The following ARHGAP10 variants were observed in gnomAD, a reference collection of about 807,000 sequenced individuals.
ARHGAP10 encodes rho GTPase-activating protein 10.
A neutral mutation model predicts 108.6 loss-of-function variants in ARHGAP10; 87 were observed. That is an observed-to-expected ratio of 0.80 (90% CI 0.67 to 0.96). ARHGAP10 has a LOEUF of 0.96. Among genes scored for constraint, ARHGAP10 ranks in the 40% least tolerant of loss-of-function variants. The pLI is 0.00. For synonymous variants in ARHGAP10, 347 were observed against 341.1 expected, an observed-to-expected ratio of 1.02 and a Z score of -0.19; for missense variants, 939 against 954.5, an observed-to-expected ratio of 0.98 and a Z score of 0.21.
At chr4:147,978,287 C>T (rs1017940812) in intron 18 of ARHGAP10, among the ~76,000 whole-genome samples, 5 of 152,100 alleles carry the variant, frequency 3.3e-5, no homozygotes, top group East Asian at 1.9e-4. Context: ...GCATTCCCAC[C>T]AACAGTGTAT....
rs1303353803 is a variant in ARHGAP10, at chr4:148,063,214, C to A, written c.2094C>A (p.Ser698=). 8.7e-6 allele frequency: 14 copies of A among 1,614,174 alleles called. No homozygotes were observed. Among genetic ancestry groups the A allele is most frequent in the Non-Finnish European group, 1.1e-5 (13 of 1,180,030 alleles). The change falls in exon 21 of 23, where the codon TCC becomes TCA. Residue 698 remains serine, a synonymous_variant. Coordinates refer to ENST00000336498, the MANE Select transcript of ARHGAP10 (RefSeq NM_024605.4). ...LNPQSPTTTS[S]NSAVTPLSPG... ...CACAGTCTCCAACCACAACAAGCTCCAACTCAGCTGTGACACCTCTTTCAC... is the reference window on the plus strand; with the variant it reads ...CACAGTCTCCAACCACAACAAGCTCAAACTCAGCTGTGACACCTCTTTCAC...
Position 148,072,576 on chromosome 4 carries a change from A to C in ARHGAP10, c.*495A>C, listed in dbSNP as rs1446259510. 6.5e-6 allele frequency: 1 copy of C among 152,740 alleles called. No homozygotes were observed. The highest frequency in any genetic ancestry group is 2.4e-5 in the African/African-American group (1 of 41,394). The allele number at this position is 152,740 out of a possible 1,614,324, so 9.5% of individuals were successfully genotyped here. A position where few individuals can be genotyped will look rare whatever the true frequency, so the allele number is the denominator to read the frequency against. ...CTGTTGGTGCAAGGGAGATGGTCTC[A>C]AGTCAGAGGGAAGCAGAGACGCGCG... On this transcript the variant is annotated 3_prime_UTR_variant, in exon 23 of 23. Transcript: ENST00000336498.
chr4:148,001,458 T>G (rs933108240), intron 18 of ARHGAP10, among the ~76,000 whole-genome samples: 1 of 152,154 alleles, frequency 6.6e-6, no homozygotes, highest in Non-Finnish European at 1.5e-5. Context: ...AAGAAAGTCA[T>G]TGGTAGCTTG....
intron 1 of ARHGAP10, among the ~76,000 whole-genome samples, chr4:147,757,561 CCAT>C (rs763031226): frequency 2.0e-5 from 3 of 152,310 alleles, no homozygotes; most frequent in Non-Finnish European, 4.4e-5. Context: ...GCTGCCATGT[CCAT>C]CATCTAGATT....
rs1553955414 is a variant in ARHGAP10 at position 147,838,482 on chromosome 4, A to AC, written c.313-8669_313-8668insC. Among the ~76,000 whole-genome samples the AC allele has an allele frequency of 1.7e-3, 255 of 149,286 alleles. 1 individual carries two copies. Among genetic ancestry groups the AC allele is most frequent in the South Asian group, 8.4e-3 (39 of 4,662 alleles). On this transcript the variant is annotated intron_variant, in intron 3 of 22. Coordinates refer to ENST00000336498, the MANE Select transcript of ARHGAP10 (RefSeq NM_024605.4). Reference sequence around the variant, plus strand: ...TGAGACCCTTGTCTCTTAAAAAAAAAACACACACACACACACACCAAAGAC... The same window carrying AC: ...TGAGACCCTTGTCTCTTAAAAAAAAACACACACACACACACACACCAAAGAC...
intron 18 of ARHGAP10, among the ~76,000 whole-genome samples, chr4:147,985,417 C>A (rs1024577821): frequency 5.2e-4 from 79 of 152,182 alleles, no homozygotes; most frequent in African/African-American, 1.9e-3. Context: ...AGCAGGGACA[C>A]ATGCAAACCA....
In ARHGAP10 at chr4:147,973,199, C is replaced by T. The variant is rs114126248; in HGVS notation, c.1716+6360C>T. ...ACAAGAATAAAGCAGGAGGAAAAGCCAGAATAGACATGGAGGGGAAGGACA... is the reference window on the plus strand; with the variant it reads ...ACAAGAATAAAGCAGGAGGAAAAGCTAGAATAGACATGGAGGGGAAGGACA... On this transcript the variant is annotated intron_variant, in intron 18 of 22. Transcript: ENST00000336498. Among the ~76,000 whole-genome samples, 1,101 of 152,162 alleles carry T rather than the reference C, an allele frequency of 7.2e-3. 18 individuals are homozygous for T. The highest frequency in any genetic ancestry group is 0.026 in the African/African-American group (1,063 of 41,500).
At chr4:148,002,577 G>C (rs1406383100) in intron 18 of ARHGAP10, among the ~76,000 whole-genome samples, 1 of 152,108 alleles carries the variant, frequency 6.6e-6, no homozygotes, top group Non-Finnish European at 1.5e-5. Flanking sequence ...ATTAATTATT[G>C]CTTCAATTTC....
chr4:147,763,143 C>T (rs1729656112), intron 1 of ARHGAP10, among the ~76,000 whole-genome samples: 1 of 152,202 alleles, frequency 6.6e-6, no homozygotes, highest in Non-Finnish European at 1.5e-5. Flanking sequence ...ATTAGAATCA[C>T]TTGAGAAACT....
intron 14 of ARHGAP10, among the ~76,000 whole-genome samples, chr4:147,942,462 A>G (rs753496446): frequency 1.3e-5 from 2 of 152,186 alleles, no homozygotes; most frequent in African/African-American, 2.4e-5. Flanking sequence ...AATGATTTCT[A>G]AAAGGGTATA....
chr4:147,992,261 C>T (rs6813344), intron 18 of ARHGAP10, among the ~76,000 whole-genome samples: 3,230 of 152,186 alleles, frequency 0.021, 125 homozygotes, highest in African/African-American at 0.073. Context: ...TTGGAGAAGC[C>T]AGGTGTTGCC....
intron 13 of ARHGAP10, among the ~76,000 whole-genome samples, chr4:147,935,884 C>T (rs900858457): frequency 1.3e-5 from 2 of 152,158 alleles, no homozygotes; most frequent in African/African-American, 2.4e-5. Flanking sequence ...TTTAATTCCC[C>T]CTTGCACCTC....
intron 1 of ARHGAP10, among the ~76,000 whole-genome samples, chr4:147,766,167 G>A (rs62330667): frequency 6.6e-6 from 1 of 152,040 alleles, no homozygotes. Flanking sequence ...GTGGGTGTCT[G>A]TAGTCCCAGC....
At chr4:147,985,149 C>T (rs959210377) in intron 18 of ARHGAP10, among the ~76,000 whole-genome samples, 29 of 152,148 alleles carry the variant, frequency 1.9e-4, no homozygotes, top group African/African-American at 5.3e-4. Context: ...GGCCCTGCTG[C>T]ACCACAGTCT....
chr4:147,876,661 G>C (rs1449359742), intron 8 of ARHGAP10, among the ~76,000 whole-genome samples: 1 of 152,118 alleles, frequency 6.6e-6, no homozygotes, highest in East Asian at 1.9e-4. Context: ...AGAATTATTT[G>C]TATTATATGC....
At chr4:147,879,508 AAT>A (rs1404594533) in intron 9 of ARHGAP10, among the ~76,000 whole-genome samples, 170 bp downstream of exon 9, 6 of 152,272 alleles carry the variant, frequency 3.9e-5, no homozygotes, top group African/African-American at 1.4e-4. Context: ...AAGACAGAAC[AAT>A]ATATATGTTT....
At chr4:148,012,066 C>G (rs536751689) in intron 18 of ARHGAP10, among the ~76,000 whole-genome samples, 2 of 152,286 alleles carry the variant, frequency 1.3e-5, no homozygotes, top group East Asian at 1.9e-4. Flanking sequence ...ATTAGCATGT[C>G]GACAGTAATA....
At chr4:147,987,669 G>T (rs1740095576) in intron 18 of ARHGAP10, among the ~76,000 whole-genome samples, 1 of 152,204 alleles carries the variant, frequency 6.6e-6, no homozygotes, top group African/African-American at 2.4e-5. Flanking sequence ...TTGAGAATTA[G>T]GATTTGGGGA....
chr4:147,741,866 A>T (rs1461621733), intron 1 of ARHGAP10, among the ~76,000 whole-genome samples: 1 of 151,052 alleles, frequency 6.6e-6, no homozygotes, highest in Non-Finnish European at 1.5e-5. Context: ...CATCTCTGTA[A>T]ACTCTGAGAT....
Sources: gnomAD v4.1 joint callset for allele counts (sites outside exome capture counted in the v4.1 genomes callset) on GRCh38, gnomAD v4.1.1 for gene constraint, MANE v1.5 for transcripts, NCBI Gene and HGNC (gene_info 2026-07-23, HGNC 2026-07-21) for gene names.